Variants in FRMD4B observed in about 807,000 individuals in gnomAD.
The protein encoded by FRMD4B is FERM domain-containing protein 4B.
FRMD4B carries 74 observed loss-of-function variants against 141.5 expected under a neutral mutation model. That is an observed-to-expected ratio of 0.52 (90% CI 0.43 to 0.63). The LOEUF (loss-of-function observed/expected upper bound fraction) is 0.63. FRMD4B is among the 30% of genes least tolerant of loss of function. FRMD4B has a pLI of 0.00. For synonymous variants in FRMD4B, 506 were observed against 467.9 expected, an observed-to-expected ratio of 1.08 and a Z score of -1.05; for missense variants, 1,366 against 1,253.4, an observed-to-expected ratio of 1.09 and a Z score of -1.36.
At chr3:69,476,083 A>T (rs1271028671) in intron 1 of FRMD4B, among the ~76,000 whole-genome samples, 2 of 150,264 alleles carry the variant, frequency 1.3e-5, no homozygotes, top group Admixed American at 6.6e-5. Context: ...GTTTGAGTTC[A>T]TTGTAGATTC....
At chr3:69,212,384 A>G (rs1559721567) in intron 11 of FRMD4B, among the ~76,000 whole-genome samples, 9 of 137,616 alleles carry the variant, frequency 6.5e-5, no homozygotes, top group East Asian at 2.0e-4. Flanking sequence ...AAAAAAAGAA[A>G]AAAAAAAAGA....
chr3:69,522,249 C>T (rs1376082002), intron 1 of FRMD4B, among the ~76,000 whole-genome samples: 2 of 151,960 alleles, frequency 1.3e-5, no homozygotes, highest in Non-Finnish European at 2.9e-5. Context: ...TGATGCAGGT[C>T]AGCTTGAGGG....
At chr3:69,381,978 G>A (rs1382607965) in intron 1 of FRMD4B, among the ~76,000 whole-genome samples, 3 of 152,054 alleles carry the variant, frequency 2.0e-5, no homozygotes, top group African/African-American at 7.2e-5. Flanking sequence ...TTAATTCATT[G>A]TTATCTGCTT....
chr3:69,491,387 A>G (rs1706298770), intron 1 of FRMD4B, among the ~76,000 whole-genome samples: 1 of 152,214 alleles, frequency 6.6e-6, no homozygotes, highest in Non-Finnish European at 1.5e-5. Flanking sequence ...AAAAGAAAGA[A>G]AAAGATAAGA....
intron 1 of FRMD4B, among the ~76,000 whole-genome samples, chr3:69,435,486 T>C (rs1301778399): frequency 6.6e-6 from 1 of 152,258 alleles, no homozygotes; most frequent in African/African-American, 2.4e-5. Flanking sequence ...TAAAGTTTTA[T>C]TGGCACACAG....
chr3:69,194,895 C>A, intron 16 of FRMD4B, 127 bp downstream of exon 16: 1 of 778,488 alleles, frequency 1.3e-6, no homozygotes, highest in Non-Finnish European at 2.0e-6. Context: ...ATTTGGTCTA[C>A]ACGATCCATC....
At chr3:69,361,078 G>A (rs1002855163) in intron 1 of FRMD4B, among the ~76,000 whole-genome samples, 4 of 151,992 alleles carry the variant, frequency 2.6e-5, no homozygotes, top group African/African-American at 9.7e-5. Context: ...TACTTTCAAG[G>A]GTGGTCAAAG....
chr3:69,456,547 C>T (rs550905620), intron 1 of FRMD4B, among the ~76,000 whole-genome samples: 11 of 152,010 alleles, frequency 7.2e-5, no homozygotes, highest in Non-Finnish European at 1.6e-4. Flanking sequence ...CCATCACAGC[C>T]CCCTCATTAC....
intron 5 of FRMD4B, among the ~76,000 whole-genome samples, chr3:69,266,416 C>T (rs1322756188): frequency 1.3e-5 from 2 of 152,154 alleles, no homozygotes; most frequent in East Asian, 3.9e-4. Flanking sequence ...ACCTCTGCCT[C>T]CCAGGTTCAT....
rs543841907 is a variant in FRMD4B, at chr3:69,214,528, G to A, written c.876+1735C>T. On this transcript the variant is annotated intron_variant, in intron 11 of 22. Transcript: ENST00000398540. ...TATATGGATTCTTCAACTCTAATAT[G>A]GGCAAAAACGTGTTGTACACTTGAG... 7.9e-5 allele frequency among the ~76,000 whole-genome samples: 12 copies of A among 152,230 alleles called. No individual in the cohort carries two copies. In the South Asian group the frequency reaches 1.0e-3, roughly 13 times the overall value.
At chr3:69,188,259 GTTGGC>G (rs1390821352) in intron 18 of FRMD4B, among the ~76,000 whole-genome samples, 2 of 152,196 alleles carry the variant, frequency 1.3e-5, no homozygotes, top group Non-Finnish European at 1.5e-5. Flanking sequence ...CCAAGGGGAA[GTTGGC>G]CTGGATCATT....
chr3:69,540,313 A>T (rs568201927), intron 1 of FRMD4B, among the ~76,000 whole-genome samples: 1 of 151,584 alleles, frequency 6.6e-6, no homozygotes, highest in East Asian at 2.0e-4. Flanking sequence ...TCATCTTTTT[A>T]AATTTATTAA....
intron 2 of FRMD4B, among the ~76,000 whole-genome samples, chr3:69,406,502 A>C (rs901251468): frequency 5.9e-5 from 9 of 152,198 alleles, no homozygotes; most frequent in African/African-American, 1.7e-4. Flanking sequence ...TTTCCATTGT[A>C]AAATATTCAC....
At chr3:69,429,488 C>A (rs183412192) in intron 2 of FRMD4B, among the ~76,000 whole-genome samples, 14 of 151,970 alleles carry the variant, frequency 9.2e-5, no homozygotes, top group African/African-American at 3.4e-4. Flanking sequence ...ATAGATATCC[C>A]GACACAAAGA....
At chr3:69,365,718 G>C (rs908477412) in intron 1 of FRMD4B, among the ~76,000 whole-genome samples, 3 of 151,916 alleles carry the variant, frequency 2.0e-5, no homozygotes, top group Non-Finnish European at 4.4e-5. Flanking sequence ...GGCTCATCTT[G>C]AACTCTTGAC....
At chr3:69,471,165 G>A (rs1291223899) in intron 1 of FRMD4B, among the ~76,000 whole-genome samples, 1 of 152,116 alleles carries the variant, frequency 6.6e-6, no homozygotes, top group Non-Finnish European at 1.5e-5. Context: ...GGGGTTTGGT[G>A]AGTTTTTTTC....
At chr3:69,385,495 C>T (rs1704227337) in intron 1 of FRMD4B, among the ~76,000 whole-genome samples, 1 of 152,132 alleles carries the variant, frequency 6.6e-6, no homozygotes, top group Admixed American at 6.5e-5. Context: ...AAAAGAAGGA[C>T]TCATTTGAAT....
intron 14 of FRMD4B, 41 bp from the exon 15 acceptor site, chr3:69,195,405 A>T (rs764093103): frequency 6.5e-7 from 1 of 1,538,618 alleles, no homozygotes; most frequent in South Asian, 1.2e-5. Context: ...TATACAAGGG[A>T]TGTTTCCTTC....
intron 1 of FRMD4B, among the ~76,000 whole-genome samples, chr3:69,358,200 G>A (rs916134385): frequency 1.9e-4 from 29 of 152,132 alleles, no homozygotes. Flanking sequence ...TGCATTCACT[G>A]CAGTAATTAT....
Sources: allele counts gnomAD v4.1 joint callset (sites outside exome capture counted in the v4.1 genomes callset), GRCh38; gene constraint gnomAD v4.1.1; transcripts MANE v1.5; gene names NCBI Gene and HGNC (gene_info 2026-07-23, HGNC 2026-07-21).